MAPKAP1: variants seen among roughly 807,000 people sequenced by gnomAD.
The protein encoded by MAPKAP1 is target of rapamycin complex 2 subunit MAPKAP1.
MAPKAP1 carries 20 observed loss-of-function variants against 65.7 expected under a neutral mutation model. The ratio of observed to expected loss-of-function variants is 0.30; its 90% CI spans 0.21 to 0.44. MAPKAP1 has a LOEUF of 0.44. Among genes scored for constraint, MAPKAP1 ranks in the 20% least tolerant of loss-of-function variants. The probability of loss-of-function intolerance (pLI) is 1.00; values close to 1 mark genes in which losing one functional copy is unlikely to be tolerated. For synonymous variants in MAPKAP1, 222 were observed against 244.3 expected (o/e 0.91, Z 0.85); for missense variants, 423 against 648.0 (o/e 0.65, Z 3.77).
At chr9:125,556,602 G>C (rs981136168) in intron 6 of MAPKAP1, among the ~76,000 whole-genome samples, 1 of 152,138 alleles carries the variant, frequency 6.6e-6, no homozygotes, top group Non-Finnish European at 1.5e-5. Flanking sequence ...GCCTCTTTCT[G>C]TTTCAGCTTA....
Position 125,707,084 on chromosome 9 carries a change from C to T in MAPKAP1, c.-183G>A, listed in dbSNP as rs1835786455. On this transcript the variant is annotated 5_prime_UTR_variant, in exon 1 of 12. Transcript: ENST00000265960. ...GCCCCGAGCTCTGCACTCTCGGGATCCACGGGGACCGGCGCTCCTCCCGGC... is the reference window on the plus strand; with the variant it reads ...GCCCCGAGCTCTGCACTCTCGGGATTCACGGGGACCGGCGCTCCTCCCGGC... The T allele has an allele frequency of 2.5e-6, 1 of 398,044 alleles. No individual in the cohort carries two copies. Among genetic ancestry groups the T allele is most frequent in the Non-Finnish European group, 4.4e-6 (1 of 225,764 alleles). The allele number at this position is 398,044 out of a possible 1,614,324, so 24.7% of individuals were successfully genotyped here. A position where few individuals can be genotyped will look rare whatever the true frequency, so the allele number is the denominator to read the frequency against.
chr9:125,538,712 CT>C (rs1830146325), intron 7 of MAPKAP1, among the ~76,000 whole-genome samples: 1 of 152,258 alleles, frequency 6.6e-6, no homozygotes, highest in Admixed American at 6.5e-5. Context: ...CCGAGAGGGG[CT>C]CCCCAAACAC....
chr9:125,676,499 G>A (rs567509876), intron 1 of MAPKAP1, among the ~76,000 whole-genome samples: 38 of 151,946 alleles, frequency 2.5e-4, no homozygotes, highest in Non-Finnish European at 4.4e-4. Context: ...AGAACATTAC[G>A]CTAAGTGAAA....
chr9:125,644,727 A>G (rs1833676695), intron 4 of MAPKAP1, among the ~76,000 whole-genome samples: 1 of 152,230 alleles, frequency 6.6e-6, no homozygotes, highest in African/African-American at 2.4e-5. Flanking sequence ...TTCTATTTTA[A>G]TTTAATGCTG....
At chr9:125,649,007 G>T (rs942059899) in intron 4 of MAPKAP1, among the ~76,000 whole-genome samples, 9 of 152,096 alleles carry the variant, frequency 5.9e-5, no homozygotes, top group African/African-American at 2.2e-4. Context: ...TCTATGCCCA[G>T]CTAGGTGGAG....
chr9:125,582,453 T>A (rs1831652571), intron 5 of MAPKAP1, among the ~76,000 whole-genome samples: 1 of 152,210 alleles, frequency 6.6e-6, no homozygotes, highest in African/African-American at 2.4e-5. Flanking sequence ...GAACCCTTGC[T>A]TGCTCTCTCC....
chr9:125,509,675 C>T (rs1829244728), intron 7 of MAPKAP1, among the ~76,000 whole-genome samples: 3 of 152,188 alleles, frequency 2.0e-5, no homozygotes, highest in Non-Finnish European at 4.4e-5. Context: ...TCGGGCTTCT[C>T]AAGCTGTCAG....
intron 7 of MAPKAP1, among the ~76,000 whole-genome samples, chr9:125,537,238 T>C (rs1482669807): frequency 3.9e-5 from 6 of 152,252 alleles, no homozygotes; most frequent in Admixed American, 3.9e-4. Flanking sequence ...GAGAAGTACA[T>C]CATTACATAT....
Position 125,461,068 on chromosome 9 carries a change from C to T in MAPKAP1, c.1345+6904G>A, listed in dbSNP as rs980377822. Among the ~76,000 whole-genome samples the T allele has an allele frequency of 1.1e-4, 16 of 152,366 alleles. No homozygotes were observed. The South Asian group carries it at 1.2e-3, about 12-fold the overall frequency. On this transcript the variant is annotated intron_variant, in intron 10 of 11. Coordinates refer to ENST00000265960, the MANE Select transcript of MAPKAP1 (RefSeq NM_001006617.3). The stretch of plus-strand genomic sequence containing the variant: ...GGGACCTGGCCAATGCTATCCAACT[C>T]TGCCAAACTGTTCCCTGAAAGCACA...
chr9:125,680,685 T>C (rs1039361024), intron 1 of MAPKAP1, among the ~76,000 whole-genome samples: 2 of 152,206 alleles, frequency 1.3e-5, no homozygotes, highest in African/African-American at 4.8e-5. Flanking sequence ...TTGAATGAGA[T>C]TCATTCACAA....
intron 7 of MAPKAP1, among the ~76,000 whole-genome samples, chr9:125,536,345 T>C (rs1830072113): frequency 6.6e-6 from 1 of 152,158 alleles, no homozygotes; most frequent in Non-Finnish European, 1.5e-5. Context: ...AATATTGAAG[T>C]CGGAGCTCCT....
chr9:125,474,094 G>A (rs1031184126), intron 9 of MAPKAP1, among the ~76,000 whole-genome samples: 1 of 152,152 alleles, frequency 6.6e-6, no homozygotes, highest in Non-Finnish European at 1.5e-5. Context: ...ACTCAGTGAT[G>A]AGGGTCGAGT....
intron 4 of MAPKAP1, among the ~76,000 whole-genome samples, chr9:125,620,026 G>T (rs1194887531): frequency 6.6e-6 from 1 of 152,174 alleles, no homozygotes; most frequent in Non-Finnish European, 1.5e-5. Flanking sequence ...ATACAGATTT[G>T]GGCCGGGTGC....
At chr9:125,690,559 G>A (rs1465636291) in intron 1 of MAPKAP1, among the ~76,000 whole-genome samples, 1 of 152,204 alleles carries the variant, frequency 6.6e-6, no homozygotes, top group Non-Finnish European at 1.5e-5. Context: ...CTACCTCATA[G>A]GATTGTTGTG....
chr9:125,546,868 G>T (rs913594986), intron 6 of MAPKAP1, among the ~76,000 whole-genome samples: 1 of 152,014 alleles, frequency 6.6e-6, no homozygotes, highest in Non-Finnish European at 1.5e-5. Context: ...CTCAGAAACC[G>T]CTCCTCCTCC....
At chr9:125,689,435 G>A (rs1271022965) in intron 1 of MAPKAP1, among the ~76,000 whole-genome samples, 16 of 39,542 alleles carry the variant, frequency 4.0e-4, no homozygotes, top group African/African-American at 7.9e-4. Flanking sequence ...ACTCCATCTC[G>A]GAAAAAAAAA....
intron 7 of MAPKAP1, among the ~76,000 whole-genome samples, chr9:125,520,223 C>T (rs1328651728): frequency 1.3e-5 from 2 of 152,122 alleles, no homozygotes; most frequent in Admixed American, 6.5e-5. Flanking sequence ...ACAAGTAAAA[C>T]GTGTAAGTAG....
intron 4 of MAPKAP1, among the ~76,000 whole-genome samples, chr9:125,655,831 T>C (rs1381283887): frequency 1.3e-5 from 2 of 152,236 alleles, no homozygotes; most frequent in African/African-American, 4.8e-5. Flanking sequence ...CTTCGTGGAT[T>C]ACAAATAGAC....
intron 4 of MAPKAP1, among the ~76,000 whole-genome samples, chr9:125,614,497 G>A (rs151154306): frequency 0.021 from 3,130 of 152,150 alleles, 161 homozygotes; most frequent in East Asian, 0.15. Context: ...GGTAGCAGGC[G>A]CCTGTAATCC....
Sources: allele counts gnomAD v4.1 joint callset (sites outside exome capture counted in the v4.1 genomes callset), GRCh38; gene constraint gnomAD v4.1.1; transcripts MANE v1.5; gene names NCBI Gene and HGNC (gene_info 2026-07-23, HGNC 2026-07-21).